Variants in LY96 observed in about 807,000 individuals in gnomAD.
The protein encoded by LY96 is lymphocyte antigen 96, also known as myeloid differentiation protein-2.
Under a neutral mutation model 18.9 loss-of-function variants are expected in LY96, and 18 were observed. That is an observed-to-expected ratio of 0.95 (90% CI 0.66 to 1.41). The LOEUF (loss-of-function observed/expected upper bound fraction) is 1.41, where lower values mean the gene tolerates loss of function less well. Among genes scored for constraint, LY96 ranks in the 40% most tolerant of loss-of-function variants. LY96 has a pLI of 0.00. For missense variants in LY96, 175 were observed against 182.4 expected (o/e 0.96, Z 0.23); for synonymous variants, 66 against 62.6 (o/e 1.06, Z -0.26).
intron 1 of LY96, among the ~76,000 whole-genome samples, chr8:73,993,021 A>ATT (rs1213341344): frequency 7.0e-6 from 1 of 142,672 alleles, no homozygotes; most frequent in East Asian, 2.0e-4. Flanking sequence ...CACCCGGCTA[A>ATT]TTTTTTTTTT....
chr8:74,016,699 A>G (rs1275177694), intron 3 of LY96, among the ~76,000 whole-genome samples: 1 of 152,196 alleles, frequency 6.6e-6, no homozygotes, highest in African/African-American at 2.4e-5. Context: ...CTGATCTGCA[A>G]TATTTACTGT....
Position 74,026,801 on chromosome 8 carries a change from C to G in LY96, c.344C>G (p.Thr115Arg). ...ATTTTGTTTGCAGAGACTGTGAATA[C>G]AACAATATCATTCTCCTTCAAGGGA... ...CRALKGETVN[T>R]TISFSFKGIK... The change falls in exon 4 of 5, where the codon ACA (threonine) becomes AGA (arginine). Residue 115 changes from threonine to arginine, a missense_variant. Transcript: ENST00000284818. The G allele has an allele frequency of 6.6e-7, 1 of 1,525,758 alleles. No homozygotes were observed. The highest frequency in any genetic ancestry group is 1.7e-5 in the Admixed American group (1 of 59,516). 94.5% of individuals were successfully genotyped at this position (1,525,758 alleles called of 1,614,324 possible).
At chr8:74,021,406 A>G (rs1376175760) in intron 3 of LY96, among the ~76,000 whole-genome samples, 1 of 152,258 alleles carries the variant, frequency 6.6e-6, no homozygotes, top group East Asian at 1.9e-4. Context: ...GCGATTGTTA[A>G]AAAGTCAAGA....
At chr8:74,009,123 A>G (rs1816474370) in intron 2 of LY96, among the ~76,000 whole-genome samples, 1 of 151,278 alleles carries the variant, frequency 6.6e-6, no homozygotes, top group East Asian at 2.0e-4. Context: ...TTGGCCAGGC[A>G]TGGTGGCTCA....
At chr8:74,019,094 A>G (rs1412034516) in intron 3 of LY96, among the ~76,000 whole-genome samples, 1 of 152,214 alleles carries the variant, frequency 6.6e-6, no homozygotes, top group Non-Finnish European at 1.5e-5. Context: ...TGAACGAGAT[A>G]GAGACAAAAA....
At chr8:74,089,387 A>C in the LY96 span, among the ~76,000 whole-genome samples, 1 of 152,102 alleles carries the variant, frequency 6.6e-6, no homozygotes, top group Non-Finnish European at 1.5e-5. Context: ...GAGAGCATTA[A>C]ACCTGGCACA....
the LY96 span, among the ~76,000 whole-genome samples, chr8:74,034,359 G>A: frequency 6.6e-6 from 1 of 151,538 alleles, no homozygotes; most frequent in African/African-American, 2.4e-5. Flanking sequence ...GCAATAAAGC[G>A]AGACTCTGTG....
downstream of LY96, among the ~76,000 whole-genome samples, chr8:74,031,662 T>C (rs1052738040): frequency 2.0e-5 from 3 of 151,966 alleles, no homozygotes; most frequent in African/African-American, 7.2e-5. Flanking sequence ...AATTTTTTTT[T>C]AGTTAAGTGA....
At chr8:74,041,885 G>C in the LY96 span, among the ~76,000 whole-genome samples, 2 of 151,972 alleles carry the variant, frequency 1.3e-5, no homozygotes, top group African/African-American at 2.4e-5. Context: ...TGTTCTTTTT[G>C]CCCTTTGAAG....
chr8:74,096,301 T>C, the LY96 span, among the ~76,000 whole-genome samples: 1 of 152,152 alleles, frequency 6.6e-6, no homozygotes, highest in Admixed American at 6.5e-5. Context: ...CTCTGCATGA[T>C]CTGTCCCTTC....
chr8:74,047,234 C>T, the LY96 span, among the ~76,000 whole-genome samples: 3 of 152,118 alleles, frequency 2.0e-5, no homozygotes, highest in Admixed American at 6.6e-5. Flanking sequence ...AAGATTTGGT[C>T]CTGAATTTGT....
chr8:74,027,728 A>G (rs1022135175), intron 4 of LY96, among the ~76,000 whole-genome samples: 5 of 152,192 alleles, frequency 3.3e-5, no homozygotes, highest in Admixed American at 3.3e-4. Context: ...GCTTATATAC[A>G]TTCTAAGGTA....
At chr8:74,041,384 T>G in the LY96 span, among the ~76,000 whole-genome samples, 1 of 152,180 alleles carries the variant, frequency 6.6e-6, no homozygotes, top group East Asian at 1.9e-4. Flanking sequence ...TCAGTGCACC[T>G]TGAAAAAGAA....
the LY96 span, among the ~76,000 whole-genome samples, chr8:74,061,963 A>G: frequency 3.9e-5 from 6 of 152,210 alleles, no homozygotes; most frequent in African/African-American, 1.4e-4. Flanking sequence ...CACACACAAA[A>G]AAAGCGCTCC....
At chr8:74,064,195 A>G in the LY96 span, among the ~76,000 whole-genome samples, 9 of 152,212 alleles carry the variant, frequency 5.9e-5, no homozygotes, top group Non-Finnish European at 1.2e-4. Flanking sequence ...GACAATGTCC[A>G]TTAACAAGAG....
the LY96 span, among the ~76,000 whole-genome samples, chr8:74,082,493 A>G: frequency 6.6e-6 from 1 of 152,168 alleles, no homozygotes; most frequent in African/African-American, 2.4e-5. Flanking sequence ...AGTTATTTAA[A>G]CACTTTTCTG....
intron 3 of LY96, among the ~76,000 whole-genome samples, chr8:74,014,052 G>A (rs745536251): frequency 2.8e-4 from 43 of 151,950 alleles, no homozygotes; most frequent in Non-Finnish European, 5.3e-4. Context: ...CGAGACGGCG[G>A]CCAGGGAGTA....
intron 1 of LY96, among the ~76,000 whole-genome samples, chr8:74,001,390 A>G (rs912064803): frequency 1.3e-5 from 2 of 152,000 alleles, no homozygotes; most frequent in African/African-American, 2.4e-5. Flanking sequence ...TGACATGCCC[A>G]GATAATTTTT....
intron 4 of LY96, among the ~76,000 whole-genome samples, chr8:74,028,433 T>C (rs1490264909): frequency 6.6e-6 from 1 of 152,254 alleles, no homozygotes; most frequent in Non-Finnish European, 1.5e-5. Flanking sequence ...TATAAGCCAG[T>C]AAATCTCTAT....
Sources: allele counts gnomAD v4.1 joint callset (sites outside exome capture counted in the v4.1 genomes callset), GRCh38; gene constraint gnomAD v4.1.1; transcripts MANE v1.5; gene names NCBI Gene and HGNC (gene_info 2026-07-23, HGNC 2026-07-21).